Variants in TBC1D24 observed in about 807,000 individuals in gnomAD.
The protein encoded by TBC1D24 is TBC1 domain family member 24, also known as Infantile myoclonic epilepsy.
Under a neutral mutation model 50.7 loss-of-function variants are expected in TBC1D24, and 47 were observed. That is an observed-to-expected ratio of 0.93 (90% CI 0.73 to 1.18). The LOEUF (loss-of-function observed/expected upper bound fraction) is 1.18, where lower values mean the gene tolerates loss of function less well. Ranked by LOEUF, TBC1D24 falls within the 50% of genes most tolerant of loss-of-function variation. The pLI is 0.00. For synonymous variants in TBC1D24, 324 were observed against 335.2 expected, an observed-to-expected ratio of 0.97 and a Z score of 0.36; for missense variants, 688 against 766.5, an observed-to-expected ratio of 0.90 and a Z score of 1.21.
In TBC1D24 at chr16:2,500,427, T is replaced by G; in HGVS notation, c.1462T>G (p.Phe488Val). 1.2e-6 allele frequency: 2 copies of G among 1,602,278 alleles called. No homozygotes were observed. Among genetic ancestry groups the G allele is most frequent in the Non-Finnish European group, 1.7e-6 (2 of 1,175,098 alleles). ...CTCGCCCTTCCTGGCCGCTCGCCAC[T>G]TCAACCTGCCCTCCAAGACCGAGTC... ...RLSPFLAARH[F>V]NLPSKTESMF... Residue 488 changes from phenylalanine to valine, a missense_variant, in exon 7 of 8, where the codon TTC becomes GTC. Transcript: ENST00000646147. This position sits in a 1 kb window ranked among gnomAD's most constrained non-coding sequence, Gnocchi z 8.0.
At chr16:2,497,183 G>A in intron 2 of TBC1D24, 70 bp downstream of exon 2, 1 of 1,589,006 alleles carries the variant, frequency 6.3e-7, no homozygotes, top group Non-Finnish European at 8.5e-7. Context: ...TCTGGCGTGA[G>A]CTCATCCTGC....
At position 2,501,272 on chromosome 16, in the gene TBC1D24, T is replaced by G; in HGVS notation, c.*314T>G. 1 of 429,014 alleles carries G rather than the reference T, an allele frequency of 2.3e-6. No individual in the cohort carries two copies. 26.6% of individuals were successfully genotyped at this position (429,014 alleles called of 1,614,324 possible). ...CATAGCCCAAGGCCTTGGGAGTGTC[T>G]GGGTCTTGCTGCCCCTGAGCCTCTC... On this transcript the variant is annotated 3_prime_UTR_variant, in exon 8 of 8. Coordinates refer to ENST00000646147, the MANE Select transcript of TBC1D24 (RefSeq NM_001199107.2).
chr16:2,480,238 C>T (rs1030670815), intron 1 of TBC1D24: 2 of 152,270 alleles, frequency 1.3e-5, no homozygotes, highest in Admixed American at 6.5e-5. Context: ...TCAAGCCATC[C>T]TCCCACCTCG....
chr16:2,478,126 T>C (rs1298178896), intron 1 of TBC1D24: 1 of 152,200 alleles, frequency 6.6e-6, no homozygotes, highest in African/African-American at 2.4e-5. Context: ...GGGACTGTCA[T>C]GGCACACCCA....
chr16:2,489,130 G>C (rs1393016581), intron 1 of TBC1D24, among the ~76,000 whole-genome samples: 2 of 148,464 alleles, frequency 1.3e-5, no homozygotes, highest in Non-Finnish European at 3.0e-5. Flanking sequence ...GTGAGACCCT[G>C]TCTCAAAATG....
Position 2,475,207 on chromosome 16 carries a change from G to T in TBC1D24, c.-116+37G>T, listed in dbSNP as rs2065555705. 6.7e-6 allele frequency: 1 copy of T among 149,242 alleles called. No individual in the cohort carries two copies. The highest frequency in any genetic ancestry group is 1.8e-4 in the South Asian group (1 of 5,502). 9.2% of individuals were successfully genotyped at this position (149,242 alleles called of 1,614,324 possible). On this transcript the variant is annotated intron_variant, in intron 1 of 7. Coordinates refer to ENST00000646147, the MANE Select transcript of TBC1D24 (RefSeq NM_001199107.2). The surrounding 1 kb of genome is among the most constrained non-coding windows in gnomAD (Gnocchi z 4.2). ...CGGGGCGTGCGGGGGGCGCGCGGCG[G>T]GGTGGCGGGTGGCGGGGCCGGGTCC... is the stretch of plus-strand genomic sequence containing the variant.
chr16:2,475,197 G>A lies in TBC1D24; in HGVS notation c.-116+27G>A, dbSNP rs983016756. 6.7e-6 allele frequency: 1 copy of A among 149,270 alleles called. No individual in the cohort carries two copies. The highest frequency in any genetic ancestry group is 1.5e-5 in the Non-Finnish European group (1 of 66,594). The allele number at this position is 149,270 out of a possible 1,614,324, so 9.2% of individuals were successfully genotyped here. A position where few individuals can be genotyped will look rare whatever the true frequency, so the allele number is the denominator to read the frequency against. On this transcript the variant is annotated intron_variant, in intron 1 of 7. Transcript: ENST00000646147. This position sits in a 1 kb window ranked among gnomAD's most constrained non-coding sequence, Gnocchi z 4.2. ...TGGGTGCGCTCGGGGCGTGCGGGGG[G>A]CGCGCGGCGGGGTGGCGGGTGGCGG...
chr16:2,491,481 T>TG (rs2065694600), intron 1 of TBC1D24, among the ~76,000 whole-genome samples: 2 of 152,020 alleles, frequency 1.3e-5, no homozygotes, highest in African/African-American at 2.4e-5. Flanking sequence ...CTTGACCTCC[T>TG]GGGCTCTGGT....
At chr16:2,476,779 C>T (rs773120502) in intron 1 of TBC1D24, 6 of 152,212 alleles carry the variant, frequency 3.9e-5, no homozygotes, top group Non-Finnish European at 7.3e-5. Flanking sequence ...GGTGACCTTC[C>T]GAGATGCAGA....
Position 2,499,410 on chromosome 16 carries a change from C to T in TBC1D24, c.1196C>T (p.Thr399Met), listed in dbSNP as rs61731477. ...HEPTLLLIKT[T>M]QKEVCGAYLS... ...CCTACCCTCTTGCTCATCAAGACCA[C>T]GCAGAAGGAGGTGAGCAGGGGCCCT... Residue 399 changes from threonine (T) to methionine (M), a missense_variant, in exon 5 of 8, where the codon ACG becomes ATG. Physicochemically the swap from Thr to Met is moderately conservative, Grantham distance 81. Coordinates refer to ENST00000646147, the MANE Select transcript of TBC1D24 (RefSeq NM_001199107.2). This position sits in a 1 kb window ranked among gnomAD's most constrained non-coding sequence, Gnocchi z 4.0. The T allele has an allele frequency of 5.5e-4, 886 of 1,613,538 alleles. 8 individuals carry two copies. In the African/African-American group the frequency reaches 0.011, roughly 19 times the overall value.
intron 1 of TBC1D24, among the ~76,000 whole-genome samples, chr16:2,489,290 G>C (rs1035932621): frequency 5.4e-5 from 8 of 148,166 alleles, no homozygotes; most frequent in Admixed American, 2.7e-4. Context: ...AAATTAGCCG[G>C]GCGTGGTGGT....
In TBC1D24 at chr16:2,501,370, C is replaced by T; in HGVS notation, c.*412C>T. 4.3e-6 allele frequency: 1 copy of T among 235,036 alleles called. No individual in the cohort carries two copies. Among genetic ancestry groups the T allele is most frequent in the Non-Finnish European group, 8.6e-6 (1 of 116,340 alleles). The allele number at this position is 235,036 out of a possible 1,614,324, so 14.6% of individuals were successfully genotyped here. ...TGCAGCTAAGGGTGGGCCTGTGGTG[C>T]CCCCTGCTGGTGCCGCATAGCATCG... On this transcript the variant is annotated 3_prime_UTR_variant, in exon 8 of 8. Transcript: ENST00000646147.
chr16:2,494,198 G>C (rs1374053912), intron 1 of TBC1D24, among the ~76,000 whole-genome samples: 3 of 152,186 alleles, frequency 2.0e-5, no homozygotes, highest in African/African-American at 7.2e-5. Flanking sequence ...TGGATCACGA[G>C]ATCAGGAGTT....
rs531770469 is a variant in TBC1D24, at chr16:2,496,129, C to T, written c.-20C>T. ...TCCCCTTCCGGCAGTCCAGGGCCTCCTCCCGAGCACAGCGGCGCTATGGAC... is the reference window on the plus strand; with the variant it reads ...TCCCCTTCCGGCAGTCCAGGGCCTCTTCCCGAGCACAGCGGCGCTATGGAC... On this transcript the variant is annotated 5_prime_UTR_variant, in exon 2 of 8. Coordinates refer to ENST00000646147, the MANE Select transcript of TBC1D24 (RefSeq NM_001199107.2). 5.0e-6 allele frequency: 8 copies of T among 1,613,458 alleles called. No homozygotes were observed. The South Asian group carries it at 7.7e-5, about 16-fold the overall frequency.
In TBC1D24 at chr16:2,486,608, T is replaced by C. The variant is rs1224780112; in HGVS notation, c.-115-9426T>C. Among the ~76,000 whole-genome samples, 1 of 152,212 alleles carries C rather than the reference T, an allele frequency of 6.6e-6. No individual in the cohort carries two copies. Among genetic ancestry groups the C allele is most frequent in the Non-Finnish European group, 1.5e-5 (1 of 68,030 alleles). On this transcript the variant is annotated intron_variant, in intron 1 of 7. Coordinates refer to ENST00000646147, the MANE Select transcript of TBC1D24 (RefSeq NM_001199107.2). This position sits in a 1 kb window ranked among gnomAD's most constrained non-coding sequence, Gnocchi z 5.8. ...ACACTGACCTACGTTGGGACAGGGC[T>C]GCCTCTTGCCCAGGGGGCTGCAGTT...
In TBC1D24 at chr16:2,491,203, G is replaced by A. The variant is rs143214436; in HGVS notation, c.-115-4831G>A. 5.3e-3 allele frequency among the ~76,000 whole-genome samples: 810 copies of A among 152,314 alleles called. 5 individuals are homozygous for A. Among genetic ancestry groups the A allele is most frequent in the Middle Eastern group, 0.031 (9 of 292 alleles). On this transcript the variant is annotated intron_variant, in intron 1 of 7. Coordinates refer to ENST00000646147, the MANE Select transcript of TBC1D24 (RefSeq NM_001199107.2). ...GCGATTATCTGTATGTGGAAGGGGA[G>A]TAGGATTAGAGAGGTAATTTAAACA...
Position 2,496,993 on chromosome 16 carries a change from C to T in TBC1D24, c.845C>T (p.Pro282Leu). ...FVRDIAKTVS[P>L]EKLLEKAFAI... is the part of the protein sequence containing the mutation. ...AGAGACATCGCGAAGACGGTGTCCC[C>T]TGAGAAGCTGCTGGAGAAAGCGTTC... is the stretch of plus-strand genomic sequence containing the variant. Residue 282 changes from proline to leucine, a missense_variant, in exon 2 of 8, where the codon CCT becomes CTT. Transcript: ENST00000646147. 1 of 1,614,000 alleles carries T rather than the reference C, an allele frequency of 6.2e-7. No individual in the cohort carries two copies. The highest frequency in any genetic ancestry group is 1.1e-5 in the South Asian group (1 of 91,084).
chr16:2,488,023 C>T (rs2065664699), intron 1 of TBC1D24, among the ~76,000 whole-genome samples: 1 of 152,236 alleles, frequency 6.6e-6, no homozygotes, highest in African/African-American at 2.4e-5. Flanking sequence ...TGGGGCCCCT[C>T]CTGCCCCGTT....
chr16:2,492,698 C>A (rs1334972339), intron 1 of TBC1D24, among the ~76,000 whole-genome samples: 1 of 152,144 alleles, frequency 6.6e-6, no homozygotes, highest in East Asian at 1.9e-4. Context: ...AAGGGGGAGC[C>A]CTCACTGCCT....
Sources: gnomAD v4.1 joint callset for allele counts (sites outside exome capture counted in the v4.1 genomes callset) on GRCh38, gnomAD v4.1.1 for gene constraint, Gnocchi (gnomAD v3.1) non-coding constraint, MANE v1.5 for transcripts, NCBI Gene and HGNC (gene_info 2026-07-23, HGNC 2026-07-21) for gene names.